The following KIT variants were observed in gnomAD, a reference collection of about 807,000 sequenced individuals.
KIT encodes KIT proto-oncogene, receptor tyrosine kinase.
A neutral mutation model predicts 105.7 loss-of-function variants in KIT; 16 were observed. That is an observed-to-expected ratio of 0.15 (90% CI 0.10 to 0.23). The LOEUF is 0.23. Ranked by LOEUF, KIT falls within the 10% of genes least tolerant of loss-of-function variation. KIT has a pLI of 1.00. For missense variants in KIT, 858 were observed against 1,213.8 expected, an observed-to-expected ratio of 0.71 and a Z score of 4.36; for synonymous variants, 438 against 441.1, an observed-to-expected ratio of 0.99 and a Z score of 0.09.
At chr4:54,713,132 A>C (rs182943806) in intron 7 of KIT, among the ~76,000 whole-genome samples, 1 of 152,010 alleles carries the variant, frequency 6.6e-6, no homozygotes, top group African/African-American at 2.4e-5. Flanking sequence ...TTATTTCAAT[A>C]GTTTTTGGGG....
At position 54,738,615 on chromosome 4, in the gene KIT, A is replaced by C. The variant is rs1018135381; in HGVS notation, c.*58A>C. Reference sequence around the variant, plus strand: ...ATGATCTCTTCTTTTGGCTTCCATGATGGTTATTTTCTTTTCTTTCAACTT... The same window carrying C: ...ATGATCTCTTCTTTTGGCTTCCATGCTGGTTATTTTCTTTTCTTTCAACTT... On this transcript the variant is annotated 3_prime_UTR_variant, in exon 21 of 21. Transcript: ENST00000288135. 1.2e-6 allele frequency: 2 copies of C among 1,602,662 alleles called. No individual in the cohort carries two copies. Among genetic ancestry groups the C allele is most frequent in the Non-Finnish European group, 1.7e-6 (2 of 1,174,732 alleles).
At position 54,740,291 on chromosome 4, in the gene KIT, A is replaced by G. The variant is rs776712217; in HGVS notation, c.*1734A>G. 1.8e-4 allele frequency: 41 copies of G among 233,498 alleles called. No homozygotes were observed. Among genetic ancestry groups the G allele is most frequent in the Non-Finnish European group, 3.1e-4 (36 of 118,000 alleles). 14.5% of individuals were successfully genotyped at this position (233,498 alleles called of 1,614,324 possible). On this transcript the variant is annotated 3_prime_UTR_variant, in exon 21 of 21. Coordinates refer to ENST00000288135, the MANE Select transcript of KIT (RefSeq NM_000222.3). ...GTCACCCAAGAGATTGTTGTTTGCC[A>G]TACTTTGTCTGAAAAATTCCTTTGT... is the stretch of plus-strand genomic sequence containing the variant.
In KIT at chr4:54,739,969, A is replaced by T. The variant is rs1723148674; in HGVS notation, c.*1412A>T. 4.3e-6 allele frequency: 1 copy of T among 233,352 alleles called. No homozygotes were observed. Among genetic ancestry groups the T allele is most frequent in the Non-Finnish European group, 8.5e-6 (1 of 117,956 alleles). 14.5% of individuals were successfully genotyped at this position (233,352 alleles called of 1,614,324 possible). ...GCTACTGTCTCACTGAAACATTTAA[A>T]TTTTACCCTTTAGACTGTAGCCTGG... On this transcript the variant is annotated 3_prime_UTR_variant, in exon 21 of 21. Transcript: ENST00000288135.
intron 7 of KIT, among the ~76,000 whole-genome samples, chr4:54,721,116 T>TATAC (rs1380023204): frequency 6.6e-6 from 1 of 152,178 alleles, no homozygotes; most frequent in African/African-American, 2.4e-5. Context: ...GTCACAAGTA[T>TATAC]ACTCAATCAG....
At chr4:54,692,714 T>A (rs979927730) in intron 1 of KIT, among the ~76,000 whole-genome samples, 1 of 152,202 alleles carries the variant, frequency 6.6e-6, no homozygotes, top group African/African-American at 2.4e-5. Flanking sequence ...CTGAAAATAA[T>A]CCTGGCCACT....
In KIT at chr4:54,695,626, C is replaced by G. The variant is rs557317141; in HGVS notation, c.182C>G (p.Pro61Arg). The change falls in exon 2 of 21, where the codon CCG becomes CGG. Residue 61 changes from proline (P) to arginine (R), a missense_variant. By Grantham distance (103) the Pro-to-Arg change is moderately radical (BLOSUM62 -2). This residue lies in a region of KIT where 401 missense variants were observed against 601.0 expected (regional missense o/e 0.67). Transcript: ENST00000288135. ...GAGATTAGGCTGTTATGCACTGATC[C>G]GGGCTTTGTCAAATGGACTTTTGAG... ...GDEIRLLCTD[P>R]GFVKWTFEIL... 6.2e-7 allele frequency: 1 copy of G among 1,614,162 alleles called. No homozygotes were observed.
chr4:54,685,581 T>TC (rs1364334100), intron 1 of KIT, among the ~76,000 whole-genome samples: 1 of 152,160 alleles, frequency 6.6e-6, no homozygotes, highest in East Asian at 1.9e-4. Flanking sequence ...CCTTGCACTG[T>TC]CCTTCACTGC....
chr4:54,733,287 C>A, intron 17 of KIT, 95 bp downstream of exon 17: 2 of 1,372,424 alleles, frequency 1.5e-6, no homozygotes, highest in Non-Finnish European at 1.0e-6. Context: ...AATGTAAATC[C>A]TGTCTAGGGA....
rs121913507 is a variant in KIT at position 54,733,155 on chromosome 4, A to T, written c.2447A>T (p.Asp816Val). The change falls in exon 17 of 21, where the codon GAC (aspartate) becomes GTC (valine). Residue 816 changes from aspartate to valine, a missense_variant. This residue lies in a region of KIT where 63 missense variants were observed against 137.4 expected (regional missense o/e 0.46). Coordinates refer to ENST00000288135, the MANE Select transcript of KIT (RefSeq NM_000222.3). Reference sequence around the variant, plus strand: ...ATTTGTGATTTTGGTCTAGCCAGAGACATCAAGAATGATTCTAATTATGTG... The same window carrying T: ...ATTTGTGATTTTGGTCTAGCCAGAGTCATCAAGAATGATTCTAATTATGTG... ...TKICDFGLAR[D>V]IKNDSNYVVK... 1.9e-6 allele frequency: 3 copies of T among 1,612,874 alleles called. No individual in the cohort carries two copies. The highest frequency in any genetic ancestry group is 2.5e-6 in the Non-Finnish European group (3 of 1,179,082).
At chr4:54,710,310 G>A (rs1258467857) in intron 7 of KIT, among the ~76,000 whole-genome samples, 2 of 152,192 alleles carry the variant, frequency 1.3e-5, no homozygotes, top group African/African-American at 2.4e-5. Flanking sequence ...GCTAGTGCAA[G>A]GGAGGCCCCT....
chr4:54,730,916 C>T (rs946648300), intron 14 of KIT, among the ~76,000 whole-genome samples: 1 of 152,030 alleles, frequency 6.6e-6, no homozygotes. Flanking sequence ...TATATGTTAA[C>T]GATCTCTGCC....
intron 12 of KIT, 35 bp from the exon 13 acceptor site, chr4:54,727,976 G>A (rs778097059): frequency 4.3e-6 from 7 of 1,612,420 alleles, no homozygotes; most frequent in African/African-American, 2.7e-5. Context: ...TTTGCCAGTT[G>A]TGCTTTTTGC....
intron 8 of KIT, among the ~76,000 whole-genome samples, chr4:54,725,642 G>T (rs1175286653): frequency 1.3e-5 from 2 of 152,086 alleles, no homozygotes; most frequent in African/African-American, 2.4e-5. Flanking sequence ...ATTCAAACCC[G>T]CATCTGACTC....
At chr4:54,705,219 T>G (rs1466085518) in intron 5 of KIT, among the ~76,000 whole-genome samples, 1 of 152,242 alleles carries the variant, frequency 6.6e-6, no homozygotes, top group Non-Finnish European at 1.5e-5. Flanking sequence ...TTAAAATCCA[T>G]TCATCAATTT....
chr4:54,669,291 G>A lies in KIT; in HGVS notation c.67+11210G>A, dbSNP rs140400654. Among the ~76,000 whole-genome samples the A allele has an allele frequency of 1.5e-3, 230 of 151,490 alleles. 2 individuals are homozygous for A. In the East Asian group the frequency reaches 0.019, roughly 12 times the overall value. On this transcript the variant is annotated intron_variant, in intron 1 of 20. Transcript: ENST00000288135. ...TTTTTTTAGTAGATCTGAATGTGTT[G>A]CCCAATTTACATTCCAGCATTTTCA...
chr4:54,680,449 TG>T (rs2109603527), intron 1 of KIT, among the ~76,000 whole-genome samples: 1 of 149,154 alleles, frequency 6.7e-6, no homozygotes, highest in East Asian at 2.0e-4. Context: ...TAGAATGCAG[TG>T]GCATGATCTC....
intron 6 of KIT, among the ~76,000 whole-genome samples, chr4:54,708,428 C>T (rs1720924391): frequency 6.6e-6 from 1 of 152,066 alleles, no homozygotes; most frequent in African/African-American, 2.4e-5. Flanking sequence ...CAGATGACCC[C>T]AAGCCTCAGT....
chr4:54,712,589 T>C (rs1721230396), intron 7 of KIT, among the ~76,000 whole-genome samples: 1 of 152,202 alleles, frequency 6.6e-6, no homozygotes, highest in Non-Finnish European at 1.5e-5. Flanking sequence ...GTTTCTGACT[T>C]TTCTCTGGTG....
intron 1 of KIT, among the ~76,000 whole-genome samples, chr4:54,694,719 C>G (rs1453374168): frequency 6.6e-6 from 1 of 152,124 alleles, no homozygotes; most frequent in African/African-American, 2.4e-5. Flanking sequence ...ATGTGAGGAC[C>G]ATGTGTCACA....
Sources: gnomAD v4.1 joint callset for allele counts (sites outside exome capture counted in the v4.1 genomes callset) on GRCh38, gnomAD v4.1.1 for gene constraint, gnomAD v4.1.1 regional missense constraint, MANE v1.5 for transcripts, NCBI Gene and HGNC (gene_info 2026-07-23, HGNC 2026-07-21) for gene names.